ASB15: variants seen among roughly 807,000 people sequenced by gnomAD.
The protein encoded by ASB15 is ankyrin repeat and SOCS box protein 15.
A neutral mutation model predicts 58.0 loss-of-function variants in ASB15; 54 were observed. The ratio of observed to expected loss-of-function variants is 0.93; its 90% confidence interval spans 0.75 to 1.17. The LOEUF is 1.17. Ranked by LOEUF, ASB15 falls within the 50% of genes most tolerant of loss-of-function variation. ASB15 has a pLI of 0.00. For missense variants in ASB15, 680 were observed against 707.4 expected (o/e 0.96, Z 0.44); for synonymous variants, 249 against 262.4 (o/e 0.95, Z 0.50).
intron 4 of ASB15, 92 bp from the exon 5 acceptor site, chr7:123,616,129 A>C: frequency 9.3e-7 from 1 of 1,078,036 alleles, no homozygotes; most frequent in Non-Finnish European, 1.4e-6. Context: ...TATTAAAATT[A>C]AGTTTAAAAA....
chr7:123,611,765 G>A (rs1800475769), intron 3 of ASB15, among the ~76,000 whole-genome samples: 1 of 151,918 alleles, frequency 6.6e-6, no homozygotes, highest in Non-Finnish European at 1.5e-5. Flanking sequence ...GTCCATTCCA[G>A]TAATGCTCCT....
chr7:123,610,943 A>T (rs966227313), intron 3 of ASB15, among the ~76,000 whole-genome samples: 21 of 152,106 alleles, frequency 1.4e-4, no homozygotes, highest in Admixed American at 1.2e-3. Flanking sequence ...TTAGCCAGGC[A>T]TGGTGGCCGG....
Position 123,636,784 on chromosome 7 carries a change from T to G in ASB15, c.1595-25T>G, listed in dbSNP as rs752607665. The G allele has an allele frequency of 4.4e-6, 7 of 1,581,556 alleles. No individual in the cohort carries two copies. In the South Asian group the frequency reaches 6.9e-5, roughly 16 times the overall value. ...CAATCCACTATTTAAAAAATTTTTT[T>G]GCTTATTTTCCCGATTTCTTTTAGA... On this transcript the variant is annotated intron_variant, in intron 11 of 11. Transcript: ENST00000451215.
chr7:123,593,365 C>T (rs1190567365), intron 1 of ASB15, among the ~76,000 whole-genome samples: 1 of 152,006 alleles, frequency 6.6e-6, no homozygotes, highest in Non-Finnish European at 1.5e-5. Flanking sequence ...TCTTCACAGC[C>T]TCGATGGTCT....
intron 10 of ASB15, among the ~76,000 whole-genome samples, 184 bp downstream of exon 10, chr7:123,629,618 C>A (rs1802016366): frequency 6.6e-6 from 1 of 151,892 alleles, no homozygotes; most frequent in South Asian, 2.1e-4. Context: ...ACCTCTCCCC[C>A]AAAAATATGT....
chr7:123,584,308 CAAAA>C (rs59126257), intron 1 of ASB15, among the ~76,000 whole-genome samples: 20 of 99,492 alleles, frequency 2.0e-4, no homozygotes, highest in African/African-American at 3.1e-4. Context: ...AAGGCCTTGT[CAAAA>C]AAAAAAAAAA....
At chr7:123,610,002 G>A (rs976797264) in intron 3 of ASB15, among the ~76,000 whole-genome samples, 4 of 152,160 alleles carry the variant, frequency 2.6e-5, no homozygotes, top group African/African-American at 9.7e-5. Context: ...GGCAAGCTTA[G>A]GAACCTCAGA....
intron 7 of ASB15, among the ~76,000 whole-genome samples, chr7:123,617,939 C>A (rs1800935347): frequency 6.6e-6 from 1 of 152,308 alleles, no homozygotes; most frequent in African/African-American, 2.4e-5. Flanking sequence ...CTACATCCTT[C>A]AGTATCCAGT....
chr7:123,569,593 G>T (rs1012826593), intron 1 of ASB15, among the ~76,000 whole-genome samples: 3 of 152,198 alleles, frequency 2.0e-5, no homozygotes, highest in African/African-American at 7.2e-5. Flanking sequence ...AGCCCCTAGG[G>T]GAAGGGGAGT....
chr7:123,575,931 T>G (rs569711803), intron 1 of ASB15, among the ~76,000 whole-genome samples: 13 of 151,496 alleles, frequency 8.6e-5, no homozygotes, highest in South Asian at 8.3e-4. Flanking sequence ...GATTTAAACC[T>G]TCTTTTATTT....
intron 1 of ASB15, among the ~76,000 whole-genome samples, chr7:123,580,522 A>C (rs775172897): frequency 2.6e-5 from 4 of 152,060 alleles, no homozygotes; most frequent in Non-Finnish European, 5.9e-5. Flanking sequence ...AAAAATGGTC[A>C]CAATAATATG....
At chr7:123,588,307 A>T (rs1344802129) in intron 1 of ASB15, among the ~76,000 whole-genome samples, 1 of 151,600 alleles carries the variant, frequency 6.6e-6, no homozygotes, top group Non-Finnish European at 1.5e-5. Flanking sequence ...TATACAGTTT[A>T]TTAGTGCTTA....
rs1269432255 is a variant in ASB15, at chr7:123,616,484, T to C, written c.281T>C (p.Ile94Thr). ...CAACCCATTCAACAAATACTTGAGATTGTTCTGGATGGTAAGAGAACATAA... is the reference window on the plus strand; with the variant it reads ...CAACCCATTCAACAAATACTTGAGACTGTTCTGGATGGTAAGAGAACATAA... ...VVQPIQQILE[I>T]VLDASYKTLW... is the part of the protein sequence containing the mutation. The change falls in exon 6 of 12, where the codon ATT (isoleucine) becomes ACT (threonine). Residue 94 changes from isoleucine to threonine, a missense_variant. By Grantham distance (89) the Ile-to-Thr change is moderately conservative (BLOSUM62 -1). Coordinates refer to ENST00000451215, the MANE Select transcript of ASB15 (RefSeq NM_001290258.2). 2 of 1,612,356 alleles carry C rather than the reference T, an allele frequency of 1.2e-6. No homozygotes were observed. Among genetic ancestry groups the C allele is most frequent in the Non-Finnish European group, 1.7e-6 (2 of 1,179,138 alleles).
rs962760453 is a variant in ASB15, at chr7:123,634,022, T to C, written c.1595-2787T>C. On this transcript the variant is annotated intron_variant, in intron 11 of 11. Coordinates refer to ENST00000451215, the MANE Select transcript of ASB15 (RefSeq NM_001290258.2). ...CTATTTAAATATACGATTGGTGGGT[T>C]TTTTTCTGTTTTTTTTCCTTCAACT... Among the ~76,000 whole-genome samples, 9 of 152,276 alleles carry C rather than the reference T, an allele frequency of 5.9e-5. No individual in the cohort carries two copies. In the East Asian group the frequency reaches 9.6e-4, roughly 16 times the overall value.
Position 123,628,948 on chromosome 7 carries a change from A to T in ASB15, c.954A>T (p.Gly318=), listed in dbSNP as rs1801972055. ...GLTPIHSAAD[G]QNAQCLELLI... ...CACCAATTCACTCAGCAGCAGATGG[A>T]CAAAATGCACAGTGTCTAGAACTGC... The change falls in exon 10 of 12, where the codon GGA becomes GGT. Residue 318 remains glycine, a synonymous_variant. Coordinates refer to ENST00000451215, the MANE Select transcript of ASB15 (RefSeq NM_001290258.2). 4 of 1,609,678 alleles carry T rather than the reference A, an allele frequency of 2.5e-6. No individual in the cohort carries two copies. Among genetic ancestry groups the T allele is most frequent in the African/African-American group, 1.3e-5 (1 of 74,830 alleles).
intron 11 of ASB15, among the ~76,000 whole-genome samples, chr7:123,630,419 T>A (rs1335968534): frequency 6.6e-6 from 1 of 152,210 alleles, no homozygotes; most frequent in Non-Finnish European, 1.5e-5. Context: ...GCAAGCTCCA[T>A]GTGGGTAGAG....
At chr7:123,581,174 T>TGTTGCTCAGGGCATGAAC (rs1799224592) in intron 1 of ASB15, among the ~76,000 whole-genome samples, 1 of 151,918 alleles carries the variant, frequency 6.6e-6, no homozygotes, top group Non-Finnish European at 1.5e-5. Context: ...AGAGCATGAA[T>TGTTGCTCAGGGCATGAAC]GTTGCTCAGG....
chr7:123,595,823 C>T (rs1799676845), intron 1 of ASB15, among the ~76,000 whole-genome samples: 1 of 152,170 alleles, frequency 6.6e-6, no homozygotes, highest in Non-Finnish European at 1.5e-5. Context: ...TTTGTCTACA[C>T]TGTGGGTGAA....
intron 7 of ASB15, among the ~76,000 whole-genome samples, chr7:123,623,551 T>C (rs1279693948): frequency 3.3e-5 from 5 of 152,076 alleles, no homozygotes; most frequent in African/African-American, 4.8e-5. Flanking sequence ...AACAATCTAA[T>C]TGATAATCAC....
Sources: gnomAD v4.1 joint callset for allele counts (sites outside exome capture counted in the v4.1 genomes callset) on GRCh38, gnomAD v4.1.1 for gene constraint, MANE v1.5 for transcripts, NCBI Gene and HGNC (gene_info 2026-07-23, HGNC 2026-07-21) for gene names.